NEB: variants seen among roughly 807,000 people sequenced by gnomAD.
The protein encoded by NEB is nemaline myopathy type 2.
Under a neutral mutation model 952.2 loss-of-function variants are expected in NEB, and 512 were observed. The observed-to-expected ratio is 0.54, with a 90% CI of 0.50 to 0.58. NEB has a LOEUF of 0.58. Among genes scored for constraint, NEB ranks in the 20% least tolerant of loss-of-function variants. The pLI is 0.00. For synonymous variants in NEB, 2,900 were observed against 3,149.8 expected, an observed-to-expected ratio of 0.92 and a Z score of 2.66; for missense variants, 8,428 against 9,231.1, an observed-to-expected ratio of 0.91 and a Z score of 3.56.
At chr2:151,722,389 T>TAAC (rs1324946440) in intron 9 of NEB, among the ~76,000 whole-genome samples, 1 of 152,188 alleles carries the variant, frequency 6.6e-6, no homozygotes, top group African/African-American at 2.4e-5. Context: ...TAAGTTCCTC[T>TAAC]AACATACAGT....
chr2:151,543,715 G>T (rs968805912), intron 135 of NEB, among the ~76,000 whole-genome samples: 1 of 152,144 alleles, frequency 6.6e-6, no homozygotes, highest in Non-Finnish European at 1.5e-5. Flanking sequence ...TCAAACTCCT[G>T]CACTCCAGTG....
At position 151,733,748 on chromosome 2, in the gene NEB, T is replaced by C. The variant is rs1015458145; in HGVS notation, c.-66A>G. ...GGGGTTATTTTCTTCCCGAACACCA[T>C]TGGCTTATACAGACTTTTTCTTTCG... On this transcript the variant is annotated 5_prime_UTR_variant, in exon 2 of 182. An upstream start codon of the reference 5' UTR is lost. Coordinates refer to ENST00000397345, the MANE Select transcript of NEB (RefSeq NM_001164508.2). 4 of 152,272 alleles carry C rather than the reference T, an allele frequency of 2.6e-5. No individual in the cohort carries two copies. The highest frequency in any genetic ancestry group is 9.6e-5 in the African/African-American group (4 of 41,460). 9.4% of individuals were successfully genotyped at this position (152,272 alleles called of 1,614,324 possible). A position where few individuals can be genotyped will look rare whatever the true frequency, so the allele number is the denominator to read the frequency against.
chr2:151,708,746 G>A (rs2099734806), intron 12 of NEB, among the ~76,000 whole-genome samples: 1 of 152,188 alleles, frequency 6.6e-6, no homozygotes, highest in Non-Finnish European at 1.5e-5. Context: ...CATATCTGAA[G>A]ATGAGCTCTT....
Position 151,561,057 on chromosome 2 carries a change from G to C in NEB, c.19153C>G (p.Leu6385Val), listed in dbSNP as rs781260315. ...HQIKDKYTTVLETVDYDRTRN... is the reference protein window; with the variant it reads ...HQIKDKYTTVVETVDYDRTRN... ...GTTCTGTCATAATCCACTGTTTCTAGAACTGTTGTGTATTTGTCCTTAATC... is the reference window on the plus strand; with the variant it reads ...GTTCTGTCATAATCCACTGTTTCTACAACTGTTGTGTATTTGTCCTTAATC... Residue 6385 changes from leucine to valine, a missense_variant, in exon 123 of 182, where the codon CTA becomes GTA. Transcript: ENST00000397345. 5 of 1,608,696 alleles carry C rather than the reference G, an allele frequency of 3.1e-6. No homozygotes were observed. Among genetic ancestry groups the C allele is most frequent in the African/African-American group, 1.3e-5 (1 of 74,840 alleles).
intron 80 of NEB, 70 bp downstream of exon 80, chr2:151,610,446 G>A: frequency 1.7e-6 from 2 of 1,169,848 alleles, no homozygotes; most frequent in Non-Finnish European, 2.5e-6. Flanking sequence ...TAGAGTGTGT[G>A]GTTCACCAGC....
chr2:151,664,911 AC>A (rs1344878660), intron 42 of NEB, 48 bp from the exon 43 acceptor site: 23 of 1,353,718 alleles, frequency 1.7e-5, no homozygotes, highest in Non-Finnish European at 2.4e-5. Context: ...GACAAGTTTG[AC>A]CCAATGCTAG....
intron 28 of NEB, among the ~76,000 whole-genome samples, chr2:151,683,050 G>C (rs1238416341): frequency 1.3e-5 from 2 of 152,172 alleles, no homozygotes; most frequent in Non-Finnish European, 2.9e-5. Flanking sequence ...AGTCAAAGCT[G>C]CACTTCAAAG....
intron 51 of NEB, among the ~76,000 whole-genome samples, chr2:151,655,057 G>A (rs1232468645): frequency 6.6e-6 from 1 of 152,064 alleles, no homozygotes; most frequent in Non-Finnish European, 1.5e-5. Flanking sequence ...TGAACACAGA[G>A]ATAAACAGAC....
chr2:151,527,523 C>G lies in NEB; in HGVS notation c.21798G>C (p.Pro7266=), dbSNP rs375581714. The G allele has an allele frequency of 6.2e-7, 1 of 1,613,394 alleles. No individual in the cohort carries two copies. Among genetic ancestry groups the G allele is most frequent in the East Asian group, 2.2e-5 (1 of 44,828 alleles). ...ATGACTTGGCAGCCTGGAGGAAGTC[C>G]GGTCGGTCAGGAGTCCACTTCCAGT... The part of the protein sequence containing the change: ...KAHWKWTPDR[P]DFLQAAKSSL... Residue 7266 remains proline, a synonymous_variant, in exon 147 of 182, where the codon CCG becomes CCC. Transcript: ENST00000397345.
At position 151,493,159 on chromosome 2, in the gene NEB, CTA is replaced by C. The variant is rs1349459417; in HGVS notation, c.24765+192_24765+193del. ...TGGAATGTAAAAGCACAGTTAATGT[CTA>C]TTTTAGTGTAAATTTTCAGTTGAAT... On this transcript the variant is annotated intron_variant, in intron 176 of 181. Transcript: ENST00000397345. 1.6e-5 allele frequency: 9 copies of C among 545,552 alleles called. No homozygotes were observed. The African/African-American group carries it at 1.7e-4, about 10-fold the overall frequency. 33.8% of individuals were successfully genotyped at this position (545,552 alleles called of 1,614,324 possible).
At chr2:151,555,112 A>C (rs532462595) in intron 124 of NEB, 68 bp from the exon 125 acceptor site, 5 of 1,128,684 alleles carry the variant, frequency 4.4e-6, no homozygotes, top group Non-Finnish European at 6.6e-6. Flanking sequence ...TTAAAACAGC[A>C]TAAGACTTAA....
Position 151,576,329 on chromosome 2 carries a change from C to T in NEB, c.16730G>A (p.Trp5577Ter). 1.2e-6 allele frequency: 2 copies of T among 1,605,944 alleles called. No homozygotes were observed. Among genetic ancestry groups the T allele is most frequent in the Non-Finnish European group, 8.5e-7 (1 of 1,174,938 alleles). Residue 5577 changes from tryptophan to a stop codon, truncating the protein, a stop_gained, in exon 106 of 182, where the codon TGG (tryptophan) becomes TAG (stop). Transcript: ENST00000397345. LOFTEE classifies it high-confidence loss of function. ...GGGCATCCAGCCAATGCCACGCAACCACTCCAAGTCAGCCTTGTAGAGGGC... is the reference window on the plus strand; with the variant it reads ...GGGCATCCAGCCAATGCCACGCAACTACTCCAAGTCAGCCTTGTAGAGGGC... ...SDALYKADLE[W>*]LRGIGWMPQG...
Position 151,514,892 on chromosome 2 carries a change from C to G in NEB, c.22942G>C (p.Gly7648Arg), listed in dbSNP as rs573552392. The change falls in exon 158 of 182, where the codon GGC becomes CGC. Residue 7648 changes from glycine to arginine, a missense_variant. Coordinates refer to ENST00000397345, the MANE Select transcript of NEB (RefSeq NM_001164508.2). Reference sequence around the variant, plus strand: ...ACCTCCAGGCCAGTCAGGTTTCTGCCTTTAATGGACTCTTCATAATCTTTC... The same window carrying G: ...ACCTCCAGGCCAGTCAGGTTTCTGCGTTTAATGGACTCTTCATAATCTTTC... ...YRKDYEESIK[G>R]RNLTGLEVTP... 1 of 1,582,840 alleles carries G rather than the reference C, an allele frequency of 6.3e-7. No individual in the cohort carries two copies. Among genetic ancestry groups the G allele is most frequent in the South Asian group, 1.2e-5 (1 of 86,462 alleles).
At position 151,531,892 on chromosome 2, in the gene NEB, T is replaced by G; in HGVS notation, c.21422A>C (p.Lys7141Thr). 6.5e-7 allele frequency: 1 copy of G among 1,540,316 alleles called. No homozygotes were observed. The highest frequency in any genetic ancestry group is 8.8e-7 in the Non-Finnish European group (1 of 1,136,510). Residue 7141 changes from lysine to threonine, a missense_variant, in exon 144 of 182, where the codon AAA becomes ACA. Lys to Thr is a moderately conservative substitution (Grantham distance 78, BLOSUM62 -1). Around this residue, in one of 11 missense-constraint regions of NEB, gnomAD observed 3,374 missense variants for 3,651.5 expected, o/e 0.92. Transcript: ENST00000397345. ...LYNSHMWSQI[K>T]YRKNYEKSKD... is the part of the protein sequence containing the mutation. ...TGATTTTTCATAGTTTTTCCTGTAT[T>G]TGATCTAAATTGTGGAAGAGAAGAA...
At chr2:151,651,653 C>T (rs2099030683) in intron 52 of NEB, among the ~76,000 whole-genome samples, 1 of 151,980 alleles carries the variant, frequency 6.6e-6, no homozygotes, top group Non-Finnish European at 1.5e-5. Flanking sequence ...TATTTAGATT[C>T]AATTAAGAAA....
At chr2:151,511,202 C>T (rs2073994300) in intron 161 of NEB, among the ~76,000 whole-genome samples, 1 of 152,170 alleles carries the variant, frequency 6.6e-6, no homozygotes, top group South Asian at 2.1e-4. Context: ...CTCCCTGGCT[C>T]CCTCAGTGAA....
chr2:151,524,654 C>CTTTTT lies in NEB; in HGVS notation c.22273-43_22273-39dup, dbSNP rs5835371. 1.4e-3 allele frequency: 353 copies of CTTTTT among 257,358 alleles called. 19 individuals are homozygous for CTTTTT. The highest frequency in any genetic ancestry group is 5.2e-3 in the African/African-American group (68 of 13,098). The allele number at this position is 257,358 out of a possible 1,614,324, so 15.9% of individuals were successfully genotyped here. On this transcript the variant is annotated intron_variant, in intron 151 of 181. Coordinates refer to ENST00000397345, the MANE Select transcript of NEB (RefSeq NM_001164508.2). ...AGAAAATGTTTACTCAAGAGAGAGG[C>CTTTTT]TTTTTTTTTTTTTTTTTTTTTTTTT...
Position 151,619,531 on chromosome 2 carries a change from G to A in NEB, c.10792C>T (p.His3598Tyr). ...QTLVSDVDYK[H>Y]PLHEWICLPD... The stretch of plus-strand genomic sequence containing the variant: ...AGGCAGATCCATTCATGCAGAGGAT[G>A]TTTATAGTCCACATCGCTGACCAAG... Residue 3598 changes from histidine (H) to tyrosine (Y), a missense_variant, in exon 73 of 182, where the codon CAT (histidine) becomes TAT (tyrosine). This residue lies in a region of NEB where 1,772 missense variants were observed against 1,960.3 expected (regional missense o/e 0.90). Transcript: ENST00000397345. 6.2e-7 allele frequency: 1 copy of A among 1,613,940 alleles called. No homozygotes were observed. The highest frequency in any genetic ancestry group is 8.5e-7 in the Non-Finnish European group (1 of 1,179,854).
intron 107 of NEB, among the ~76,000 whole-genome samples, chr2:151,572,996 A>G (rs2096696895): frequency 1.3e-5 from 2 of 152,176 alleles, no homozygotes; most frequent in African/African-American, 2.4e-5. Context: ...CAAAATAACA[A>G]TATCTTACTC....
Sources: allele counts gnomAD v4.1 joint callset (sites outside exome capture counted in the v4.1 genomes callset), GRCh38; gene constraint gnomAD v4.1.1; regional missense constraint gnomAD v4.1.1; transcripts MANE v1.5; gene names NCBI Gene and HGNC (gene_info 2026-07-23, HGNC 2026-07-21).